The following GPC3 variants were observed in gnomAD, a reference collection of about 807,000 sequenced individuals.
The protein encoded by GPC3 is glypican 3, also known as glypican-3.
Under a neutral mutation model 34.4 loss-of-function variants are expected in GPC3, and 3 were observed. The observed-to-expected ratio is 0.09, with a 90% CI of 0.04 to 0.23. The LOEUF is 0.23. Ranked by LOEUF, GPC3 falls within the 10% of genes least tolerant of loss-of-function variation. The probability of loss-of-function intolerance (pLI) is 1.00; values close to 1 mark genes in which losing one functional copy is unlikely to be tolerated. For missense variants in GPC3, 351 were observed against 445.6 expected (o/e 0.79, Z 1.91); for synonymous variants, 177 against 174.0 (o/e 1.02, Z -0.13).
chrX:133,757,228 G>T (rs897632982), intron 2 of GPC3, among the ~76,000 whole-genome samples: 1 of 111,224 alleles, frequency 9.0e-6, no homozygotes, highest in African/African-American at 3.3e-5. Flanking sequence ...TAATAAATTC[G>T]GGTTAATACA....
chrX:133,719,808 A>G (rs987642379), intron 3 of GPC3, among the ~76,000 whole-genome samples: 1 of 111,840 alleles, frequency 8.9e-6, no homozygotes, highest in African/African-American at 3.2e-5. Flanking sequence ...ATATTTGCAA[A>G]CTCTGCATTC....
chrX:133,888,311 T>C (rs762753392), intron 2 of GPC3, among the ~76,000 whole-genome samples: 1 of 112,065 alleles, frequency 8.9e-6, no homozygotes, highest in Admixed American at 9.5e-5. Flanking sequence ...ATTTTCTTTA[T>C]CCAGTCTATC....
At chrX:133,673,957 G>T (rs762707164) in intron 5 of GPC3, among the ~76,000 whole-genome samples, 1 of 112,051 alleles carries the variant, frequency 8.9e-6, no homozygotes, top group South Asian at 3.7e-4. Flanking sequence ...AGGCATGGTG[G>T]CTCACACCTG....
intron 2 of GPC3, among the ~76,000 whole-genome samples, chrX:133,925,598 C>T (rs1461872318): frequency 8.9e-6 from 1 of 111,805 alleles, no homozygotes; most frequent in African/African-American, 3.3e-5. Flanking sequence ...AATCTGGGCT[C>T]AAATTTAGTA....
At position 133,852,985 on chromosome X, in the gene GPC3, CAAA is replaced by C. The variant is rs33927142; in HGVS notation, c.338-98812_338-98810del. On this transcript the variant is annotated intron_variant, in intron 2 of 7. Coordinates refer to ENST00000370818, the MANE Select transcript of GPC3 (RefSeq NM_004484.4). ...AATTTGACGTGCAATTTTTAAATTC[CAAA>C]AAAAAAAAAAAAAAAAAAAAAGCTT... is the stretch of plus-strand genomic sequence containing the variant. 1.7e-3 allele frequency among the ~76,000 whole-genome samples: 71 copies of C among 42,129 alleles called. 2 individuals are homozygous for C. Among genetic ancestry groups the C allele is most frequent in the African/African-American group, 5.8e-3 (64 of 10,966 alleles). The allele number at this position is 42,129 out of a possible 115,157, so 36.6% of individuals were successfully genotyped here. A position where few individuals can be genotyped will look rare whatever the true frequency, so the allele number is the denominator to read the frequency against.
At chrX:133,679,780 G>A (rs980831384) in intron 5 of GPC3, among the ~76,000 whole-genome samples, 4 of 110,861 alleles carry the variant, frequency 3.6e-5, no homozygotes, top group African/African-American at 1.3e-4. Context: ...TCACCCTCTC[G>A]GATAATTGAA....
At position 133,809,428 on chromosome X, in the gene GPC3, GA is replaced by G. The variant is rs769369522; in HGVS notation, c.338-55253del. Among the ~76,000 whole-genome samples, 391 of 111,356 alleles carry G rather than the reference GA, an allele frequency of 3.5e-3. 3 individuals are homozygous for G. The highest frequency in any genetic ancestry group is 0.012 in the African/African-American group (364 of 30,638). ...CACTAGGAAGAAGAAAAGCAGGGAG[GA>G]CAGTGAGAAAGAGCTAGAGATACTT... On this transcript the variant is annotated intron_variant, in intron 2 of 7. Transcript: ENST00000370818.
At position 133,590,989 on chromosome X, in the gene GPC3, G is replaced by A. The variant is rs370686217; in HGVS notation, c.1573+5451C>T. Reference sequence around the variant, plus strand: ...GAAACTGACTTTTCAAAAGTGGAAGGGGCTCGCTTTAGGACATACGGGAGA... The same window carrying A: ...GAAACTGACTTTTCAAAAGTGGAAGAGGCTCGCTTTAGGACATACGGGAGA... On this transcript the variant is annotated intron_variant, in intron 7 of 7. Transcript: ENST00000370818. 3.3e-4 allele frequency among the ~76,000 whole-genome samples: 37 copies of A among 111,605 alleles called. 2 individuals carry two copies. The highest frequency in any genetic ancestry group is 2.8e-3 in the East Asian group (10 of 3,534).
At chrX:133,967,181 C>T (rs991979360) in intron 1 of GPC3, among the ~76,000 whole-genome samples, 1 of 111,891 alleles carries the variant, frequency 8.9e-6, no homozygotes, top group Admixed American at 9.5e-5. Flanking sequence ...CCAAATGTTT[C>T]CTAAAATTGA....
rs373139333 is a variant in GPC3 at position 133,536,026 on chromosome X, C to CAA, written c.*96_*97dup. 330 of 549,207 alleles carry CAA rather than the reference C, an allele frequency of 6.0e-4. No homozygotes were observed. Among genetic ancestry groups the CAA allele is most frequent in the Middle Eastern group, 1.2e-3 (2 of 1,738 alleles). The allele number at this position is 549,207 out of a possible 1,213,427, so 45.3% of individuals were successfully genotyped here. ...TGGCTGGAGGAGGTATACAGGATAA[C>CAA]AAAAAAAAAAAAATAGAAAAAAATA... On this transcript the variant is annotated 3_prime_UTR_variant, in exon 8 of 8. Coordinates refer to ENST00000370818, the MANE Select transcript of GPC3 (RefSeq NM_004484.4).
At chrX:133,926,293 G>A (rs1415718668) in intron 2 of GPC3, among the ~76,000 whole-genome samples, 3 of 112,092 alleles carry the variant, frequency 2.7e-5, no homozygotes, top group Non-Finnish European at 5.6e-5. Flanking sequence ...CTCCGTAGCT[G>A]TAGGGGTCTT....
chrX:133,632,537 A>T (rs2070377873), intron 6 of GPC3, among the ~76,000 whole-genome samples: 1 of 112,067 alleles, frequency 8.9e-6, no homozygotes, highest in Admixed American at 9.5e-5. Flanking sequence ...ATGTAATTTT[A>T]AAAGTTTAAG....
At chrX:133,828,014 C>A (rs1365190062) in intron 2 of GPC3, among the ~76,000 whole-genome samples, 1 of 105,969 alleles carries the variant, frequency 9.4e-6, no homozygotes, top group African/African-American at 3.5e-5. Flanking sequence ...TTGGTATTAA[C>A]CTGAACTAAA....
intron 7 of GPC3, among the ~76,000 whole-genome samples, chrX:133,549,138 C>T (rs972170864): frequency 3.6e-5 from 4 of 111,040 alleles, no homozygotes; most frequent in East Asian, 2.8e-4. Flanking sequence ...TGCATGTCAG[C>T]GAGTGCCCAT....
chrX:133,817,475 C>T (rs778435447), intron 2 of GPC3, among the ~76,000 whole-genome samples: 4 of 110,131 alleles, frequency 3.6e-5, no homozygotes, highest in Admixed American at 2.0e-4. Flanking sequence ...AGTTCTGCAG[C>T]TTCAAACAAA....
intron 2 of GPC3, among the ~76,000 whole-genome samples, chrX:133,949,117 A>G (rs2076381697): frequency 8.9e-6 from 1 of 112,446 alleles, no homozygotes; most frequent in Non-Finnish European, 1.9e-5. Flanking sequence ...CAAAATATAA[A>G]GCTCATAAAT....
At chrX:133,921,395 G>T (rs1390559670) in intron 2 of GPC3, among the ~76,000 whole-genome samples, 1 of 111,850 alleles carries the variant, frequency 8.9e-6, no homozygotes, top group Non-Finnish European at 1.9e-5. Flanking sequence ...CTTTGAGGTG[G>T]GGAGCTACAA....
chrX:133,940,184 T>C (rs888797642), intron 2 of GPC3, among the ~76,000 whole-genome samples: 3 of 111,664 alleles, frequency 2.7e-5, no homozygotes, highest in African/African-American at 9.8e-5. Context: ...TTGTTTCATA[T>C]CAATGGAATT....
chrX:133,934,693 T>A (rs1405609662), intron 2 of GPC3, among the ~76,000 whole-genome samples: 1 of 100,577 alleles, frequency 9.9e-6, no homozygotes, highest in Non-Finnish European at 2.0e-5. Context: ...TTTTTTTGTA[T>A]TTTTTTTTTT....
Sources: gnomAD v4.1 joint callset for allele counts (sites outside exome capture counted in the v4.1 genomes callset) on GRCh38, gnomAD v4.1.1 for gene constraint, MANE v1.5 for transcripts, NCBI Gene and HGNC (gene_info 2026-07-23, HGNC 2026-07-21) for gene names.